Variants in TMEFF2 observed in about 807,000 individuals in gnomAD.
TMEFF2 encodes tomoregulin-2.
TMEFF2 carries 28 observed loss-of-function variants against 53.8 expected under a neutral mutation model. The ratio of observed to expected loss-of-function variants is 0.52; its 90% CI spans 0.39 to 0.71. TMEFF2 has a LOEUF of 0.71. Among genes scored for constraint, TMEFF2 ranks in the 30% least tolerant of loss-of-function variants. The pLI, the probability that TMEFF2 is intolerant of heterozygous loss-of-function variation, is 0.00. For synonymous variants in TMEFF2, 162 were observed against 166.3 expected, an observed-to-expected ratio of 0.97 and a Z score of 0.20; for missense variants, 353 against 455.2, an observed-to-expected ratio of 0.78 and a Z score of 2.04.
Position 191,956,314 on chromosome 2 carries a change from A to G in TMEFF2, c.810T>C (p.Asn270=). ...CACACTTCCCATGCATGCAGAAGCCATTGTAATGTTCCGGACAAGGTATGT... is the reference window on the plus strand; with the variant it reads ...CACACTTCCCATGCATGCAGAAGCCGTTGTAATGTTCCGGACAAGGTATGT... ...EHHIPCPEHY[N]GFCMHGKCEH... The change falls in exon 8 of 10, where the codon AAT becomes AAC. Residue 270 remains asparagine, a synonymous_variant. Transcript: ENST00000272771. 1 of 1,614,098 alleles carries G rather than the reference A, an allele frequency of 6.2e-7. No homozygotes were observed. The highest frequency in any genetic ancestry group is 1.3e-5 in the African/African-American group (1 of 75,062).
intron 7 of TMEFF2, among the ~76,000 whole-genome samples, chr2:191,980,223 G>C (rs899491557): frequency 6.6e-5 from 10 of 152,176 alleles, no homozygotes; most frequent in Non-Finnish European, 8.8e-5. Context: ...ATTAAACACA[G>C]TGAAGGAAAT....
At chr2:192,055,871 A>G (rs915335288) in intron 5 of TMEFF2, among the ~76,000 whole-genome samples, 12 of 152,040 alleles carry the variant, frequency 7.9e-5, no homozygotes, top group Middle Eastern at 3.4e-3. Flanking sequence ...AAACCAGTGC[A>G]TAGACTCTCT....
intron 4 of TMEFF2, among the ~76,000 whole-genome samples, chr2:192,115,834 A>G (rs1435625035): frequency 6.6e-6 from 1 of 152,036 alleles, no homozygotes; most frequent in Admixed American, 6.6e-5. Context: ...AAGTCAAAAG[A>G]TAAGTGTTGC....
At chr2:192,008,086 T>C (rs572874317) in intron 5 of TMEFF2, among the ~76,000 whole-genome samples, 14 of 152,298 alleles carry the variant, frequency 9.2e-5, no homozygotes, top group African/African-American at 3.1e-4. Flanking sequence ...GCCCTCACTA[T>C]TGGGACAGAA....
chr2:192,107,358 C>T (rs1173447629), intron 4 of TMEFF2, among the ~76,000 whole-genome samples: 1 of 151,536 alleles, frequency 6.6e-6, no homozygotes, highest in Admixed American at 6.6e-5. Context: ...AGAAAATTTC[C>T]AGAGCTTCCT....
chr2:192,175,936 T>C (rs1261786412), intron 4 of TMEFF2, among the ~76,000 whole-genome samples: 1 of 151,472 alleles, frequency 6.6e-6, no homozygotes, highest in Non-Finnish European at 1.5e-5. Flanking sequence ...GCATTGTCTT[T>C]ATAATATGAC....
In TMEFF2 at chr2:192,194,627, G is replaced by A. The variant is rs1574453940; in HGVS notation, c.-103C>T. Reference sequence around the variant, plus strand: ...GAGCATCCCGCGGACGGCGGCAGCAGAGGCGGCGGCGGTGGCAGTGGCACC... The same window carrying A: ...GAGCATCCCGCGGACGGCGGCAGCAAAGGCGGCGGCGGTGGCAGTGGCACC... On this transcript the variant is annotated 5_prime_UTR_variant, in exon 1 of 10. Coordinates refer to ENST00000272771, the MANE Select transcript of TMEFF2 (RefSeq NM_016192.4). The surrounding 1 kb of genome is among the most constrained non-coding windows in gnomAD (Gnocchi z 4.2). The A allele has an allele frequency of 7.1e-7, 1 of 1,411,334 alleles. No homozygotes were observed. The highest frequency in any genetic ancestry group is 2.4e-5 in the East Asian group (1 of 41,924). The allele number at this position is 1,411,334 out of a possible 1,614,324, so 87.4% of individuals were successfully genotyped here. A position where few individuals can be genotyped will look rare whatever the true frequency, so the allele number is the denominator to read the frequency against.
At chr2:192,023,797 T>G (rs975212704) in intron 5 of TMEFF2, among the ~76,000 whole-genome samples, 8 of 152,138 alleles carry the variant, frequency 5.3e-5, no homozygotes, top group African/African-American at 1.9e-4. Context: ...CCTCTATAGC[T>G]CCTTTTTAGT....
At chr2:192,163,019 C>T (rs1690672052) in intron 4 of TMEFF2, among the ~76,000 whole-genome samples, 1 of 152,116 alleles carries the variant, frequency 6.6e-6, no homozygotes, top group Non-Finnish European at 1.5e-5. Flanking sequence ...TGAAAATCTG[C>T]AGGCTTTAGA....
At chr2:191,963,735 G>A (rs949034438) in intron 7 of TMEFF2, among the ~76,000 whole-genome samples, 1 of 152,138 alleles carries the variant, frequency 6.6e-6, no homozygotes, top group Admixed American at 6.5e-5. Flanking sequence ...GTATCCATAC[G>A]CTAAAGCTAT....
At chr2:192,029,795 G>C (rs1291180030) in intron 5 of TMEFF2, among the ~76,000 whole-genome samples, 2 of 152,136 alleles carry the variant, frequency 1.3e-5, no homozygotes, top group Non-Finnish European at 1.5e-5. Flanking sequence ...TGCATGTTGA[G>C]ATAGATAACA....
chr2:191,999,721 T>C (rs1050627834), intron 5 of TMEFF2, among the ~76,000 whole-genome samples: 4 of 151,942 alleles, frequency 2.6e-5, no homozygotes, highest in African/African-American at 9.7e-5. Flanking sequence ...GCACATAAAA[T>C]GTACTAAAAG....
chr2:192,007,864 T>C (rs6751348), intron 5 of TMEFF2, among the ~76,000 whole-genome samples: 138,501 of 152,200 alleles, frequency 0.91, 63,489 homozygotes, highest in Non-Finnish European at 0.97. Context: ...ATCATTAGGG[T>C]TTGGTGGCTC....
At chr2:192,087,682 A>T (rs1229769465) in intron 4 of TMEFF2, among the ~76,000 whole-genome samples, 1 of 152,140 alleles carries the variant, frequency 6.6e-6, no homozygotes, top group African/African-American at 2.4e-5. Context: ...GAGACTCAAG[A>T]TTATATTATA....
In TMEFF2 at chr2:191,950,232, T is replaced by TC; in HGVS notation, c.*78_*79insG. The TC allele has an allele frequency of 7.0e-7, 1 of 1,435,954 alleles. No individual in the cohort carries two copies. The highest frequency in any genetic ancestry group is 1.5e-5 in the South Asian group (1 of 67,738). The allele number at this position is 1,435,954 out of a possible 1,614,324, so 89.0% of individuals were successfully genotyped here. A position where few individuals can be genotyped will look rare whatever the true frequency, so the allele number is the denominator to read the frequency against. On this transcript the variant is annotated 3_prime_UTR_variant, in exon 10 of 10. Transcript: ENST00000272771. ...TGCAAGGCAACATGTGTAGATCTCT[T>TC]GTCTTATTCTTTTGTCTATAATACT...
At chr2:192,024,231 T>G (rs542100859) in intron 5 of TMEFF2, among the ~76,000 whole-genome samples, 2 of 152,318 alleles carry the variant, frequency 1.3e-5, no homozygotes, top group East Asian at 1.9e-4. Context: ...TAAGCTGCAT[T>G]AAGTCAACAC....
intron 8 of TMEFF2, among the ~76,000 whole-genome samples, chr2:191,954,267 T>C (rs555402123): frequency 5.3e-5 from 8 of 152,310 alleles, no homozygotes; most frequent in Admixed American, 4.6e-4. Context: ...TCTAAATAAA[T>C]ATTACTTTGT....
chr2:192,017,828 T>C (rs1038642132), intron 5 of TMEFF2, among the ~76,000 whole-genome samples: 2 of 152,220 alleles, frequency 1.3e-5, no homozygotes, highest in Non-Finnish European at 2.9e-5. Context: ...ATAGGCACCA[T>C]AAACTAACAT....
At chr2:191,966,252 G>T (rs1376350414) in intron 7 of TMEFF2, among the ~76,000 whole-genome samples, 1 of 152,212 alleles carries the variant, frequency 6.6e-6, no homozygotes, top group Non-Finnish European at 1.5e-5. Flanking sequence ...CCAGAGGGGA[G>T]TGGCTGCAGA....
Sources: allele counts gnomAD v4.1 joint callset (sites outside exome capture counted in the v4.1 genomes callset), GRCh38; gene constraint gnomAD v4.1.1; non-coding constraint Gnocchi (gnomAD v3.1); transcripts MANE v1.5; gene names NCBI Gene and HGNC (gene_info 2026-07-23, HGNC 2026-07-21).